TAX1BP1: variants seen among roughly 807,000 people sequenced by gnomAD.
The protein encoded by TAX1BP1 is tax1-binding protein 1.
Under a neutral mutation model 97.7 loss-of-function variants are expected in TAX1BP1, and 62 were observed. That is an observed-to-expected ratio of 0.63 (90% CI 0.52 to 0.78). TAX1BP1 has a LOEUF of 0.78. Among genes scored for constraint, TAX1BP1 ranks in the 30% least tolerant of loss-of-function variants. The probability of loss-of-function intolerance (pLI) is 0.00; values close to 1 mark genes in which losing one functional copy is unlikely to be tolerated. For synonymous variants in TAX1BP1, 340 were observed against 304.2 expected (o/e 1.12, Z -1.23); for missense variants, 867 against 916.1 (o/e 0.95, Z 0.69).
intron 2 of TAX1BP1, 113 bp from the exon 3 acceptor site, chr7:27,757,918 A>C (rs1352217562): frequency 7.3e-6 from 4 of 548,488 alleles, no homozygotes; most frequent in Non-Finnish European, 9.5e-6. Context: ...TGATTTGTAA[A>C]CATATTAAAT....
intron 2 of TAX1BP1, among the ~76,000 whole-genome samples, chr7:27,755,734 G>C (rs1193622384): frequency 1.3e-5 from 2 of 152,142 alleles, no homozygotes; most frequent in African/African-American, 4.8e-5. Flanking sequence ...TAAAGTATGT[G>C]ACATATTCAT....
intron 13 of TAX1BP1, among the ~76,000 whole-genome samples, chr7:27,806,234 C>G (rs553556042): frequency 6.6e-6 from 1 of 151,950 alleles, no homozygotes; most frequent in Non-Finnish European, 1.5e-5. Context: ...TACAGGCTCC[C>G]GCCACCAAGC....
intron 2 of TAX1BP1, among the ~76,000 whole-genome samples, chr7:27,754,831 C>T (rs1008040105): frequency 3.9e-5 from 6 of 152,142 alleles, no homozygotes; most frequent in Non-Finnish European, 5.9e-5. Flanking sequence ...GATCCCCCCA[C>T]CTCAGTCTCC....
rs904585305 is a variant in TAX1BP1, at chr7:27,823,349, A to G, written c.2086-4389A>G. On this transcript the variant is annotated intron_variant, in intron 15 of 16. Coordinates refer to ENST00000396319, the MANE Select transcript of TAX1BP1 (RefSeq NM_006024.7). Reference sequence around the variant, plus strand: ...CTTAGCAAATATGTAAATTTCTTAAAGTGTGAATACTCTTGAACTAAAGTA... The same window carrying G: ...CTTAGCAAATATGTAAATTTCTTAAGGTGTGAATACTCTTGAACTAAAGTA... Among the ~76,000 whole-genome samples the G allele has an allele frequency of 7.2e-5, 11 of 152,336 alleles. No individual in the cohort carries two copies. The South Asian group carries it at 2.3e-3, about 32-fold the overall frequency.
chr7:27,777,354 C>A (rs1029654523), intron 5 of TAX1BP1, among the ~76,000 whole-genome samples: 9 of 151,994 alleles, frequency 5.9e-5, no homozygotes, highest in Non-Finnish European at 1.3e-4. Flanking sequence ...TTTAGTGGTA[C>A]CAGAGCAGCA....
intron 2 of TAX1BP1, among the ~76,000 whole-genome samples, chr7:27,752,871 A>G (rs1040853413): frequency 6.6e-6 from 1 of 152,240 alleles, no homozygotes; most frequent in Admixed American, 6.5e-5. Flanking sequence ...TTGGCATTCA[A>G]TAATTATTCT....
At chr7:27,808,068 C>G (rs1337885645) in intron 13 of TAX1BP1, among the ~76,000 whole-genome samples, 1 of 152,156 alleles carries the variant, frequency 6.6e-6, no homozygotes, top group Non-Finnish European at 1.5e-5. Flanking sequence ...CTGCCCCAGC[C>G]TGGAATCAGT....
At chr7:27,760,155 T>G (rs1788369292) in intron 3 of TAX1BP1, among the ~76,000 whole-genome samples, 1 of 151,140 alleles carries the variant, frequency 6.6e-6, no homozygotes, top group Admixed American at 6.6e-5. Flanking sequence ...TGCCTGGCCC[T>G]AAATCTTTAA....
chr7:27,763,767 C>CAAAAAAAAAAAAAAAAAAAAAAAAAAA (rs575118347), intron 3 of TAX1BP1, among the ~76,000 whole-genome samples: 22 of 118,758 alleles, frequency 1.9e-4, no homozygotes, highest in Admixed American at 5.2e-4. Context: ...GACTCTGTCT[C>CAAAAAAAAAAAAAAAAAAAAAAAAAAA]AAAAAAAAAA....
chr7:27,807,781 A>G (rs879544168), intron 13 of TAX1BP1, among the ~76,000 whole-genome samples: 1 of 152,074 alleles, frequency 6.6e-6, no homozygotes, highest in Non-Finnish European at 1.5e-5. Flanking sequence ...AATTCCTTCT[A>G]TATTGATTAG....
In TAX1BP1 at chr7:27,816,468, T is replaced by A; in HGVS notation, c.1884T>A (p.Asn628Lys). Residue 628 changes from asparagine (N) to lysine (K), a missense_variant, in exon 14 of 17, where the codon AAT becomes AAA. Around this residue, in one of 3 missense-constraint regions of TAX1BP1, gnomAD observed 822 missense variants for 851.4 expected, o/e 0.97. Transcript: ENST00000396319. ...EQNGYVLTLSNAQPVLQYGNP... is the reference protein window; with the variant it reads ...EQNGYVLTLSKAQPVLQYGNP... ...ATGGTTATGTTCTCACATTGTCAAA[T>A]GCACAACCAGTTCTGCAATATGGTA... 10 of 1,564,022 alleles carry A rather than the reference T, an allele frequency of 6.4e-6. No homozygotes were observed. The highest frequency in any genetic ancestry group is 8.6e-6 in the Non-Finnish European group (10 of 1,165,204).
intron 5 of TAX1BP1, among the ~76,000 whole-genome samples, chr7:27,778,516 A>T (rs1348348544): frequency 6.6e-6 from 1 of 152,226 alleles, no homozygotes; most frequent in East Asian, 1.9e-4. Flanking sequence ...TATAAAAGAA[A>T]GCAAGCATCC....
At chr7:27,814,798 C>T (rs76711395) in intron 13 of TAX1BP1, among the ~76,000 whole-genome samples, 16,387 of 151,882 alleles carry the variant, frequency 0.11, 940 homozygotes, top group South Asian at 0.12. Context: ...TGCAGTGGCG[C>T]GATCTCGGCT....
At chr7:27,747,526 G>T (rs562440647) in intron 1 of TAX1BP1, among the ~76,000 whole-genome samples, 1 of 152,264 alleles carries the variant, frequency 6.6e-6, no homozygotes, top group East Asian at 1.9e-4. Flanking sequence ...AGAAGTTGAG[G>T]TAGGATCATT....
rs977696486 is a variant in TAX1BP1, at chr7:27,829,075, A to C, written c.*246A>C. On this transcript the variant is annotated 3_prime_UTR_variant, in exon 17 of 17. Coordinates refer to ENST00000396319, the MANE Select transcript of TAX1BP1 (RefSeq NM_006024.7). Reference sequence around the variant, plus strand: ...AAAGTTCTTGTGTGTTCGTATCTTTATTTATTCCCTAGTTTGCAGAACTGT... The same window carrying C: ...AAAGTTCTTGTGTGTTCGTATCTTTCTTTATTCCCTAGTTTGCAGAACTGT... 3 of 376,958 alleles carry C rather than the reference A, an allele frequency of 8.0e-6. No individual in the cohort carries two copies. The East Asian group carries it at 1.2e-4, about 16-fold the overall frequency. The allele number at this position is 376,958 out of a possible 1,614,324, so 23.4% of individuals were successfully genotyped here.
chr7:27,747,895 T>A (rs1392650892), intron 1 of TAX1BP1, among the ~76,000 whole-genome samples: 9 of 151,814 alleles, frequency 5.9e-5, no homozygotes, highest in Admixed American at 5.9e-4. Flanking sequence ...CCCTAATGAT[T>A]CTAATGTGTA....
At chr7:27,811,240 G>T (rs957092857) in intron 13 of TAX1BP1, among the ~76,000 whole-genome samples, 1 of 152,128 alleles carries the variant, frequency 6.6e-6, no homozygotes, top group African/African-American at 2.4e-5. Flanking sequence ...TGAAAGGCAG[G>T]AATGCCATCT....
At chr7:27,790,473 C>G (rs1193225129) in intron 8 of TAX1BP1, among the ~76,000 whole-genome samples, 1 of 151,212 alleles carries the variant, frequency 6.6e-6, no homozygotes, top group Non-Finnish European at 1.5e-5. Flanking sequence ...AAAAAATGTT[C>G]TATTGATTTT....
intron 2 of TAX1BP1, among the ~76,000 whole-genome samples, chr7:27,755,870 A>G (rs1000299035): frequency 2.0e-5 from 3 of 152,146 alleles, no homozygotes; most frequent in Non-Finnish European, 4.4e-5. Flanking sequence ...TATAACTGGT[A>G]TTTTGTCCCA....
Sources: gnomAD v4.1 joint callset for allele counts (sites outside exome capture counted in the v4.1 genomes callset) on GRCh38, gnomAD v4.1.1 for gene constraint, gnomAD v4.1.1 regional missense constraint, MANE v1.5 for transcripts, NCBI Gene and HGNC (gene_info 2026-07-23, HGNC 2026-07-21) for gene names.